The following ARHGEF10L variants were observed in gnomAD, a reference collection of about 807,000 sequenced individuals.
The protein encoded by ARHGEF10L is Rho guanine nucleotide exchange factor 10 like.
ARHGEF10L carries 69 observed loss-of-function variants against 141.2 expected under a neutral mutation model. The ratio of observed to expected loss-of-function variants is 0.49; its 90% CI spans 0.40 to 0.60. ARHGEF10L has a LOEUF of 0.60. Among genes scored for constraint, ARHGEF10L ranks in the 20% least tolerant of loss-of-function variants. The pLI is 0.00. For missense variants in ARHGEF10L, 1,482 were observed against 1,734.3 expected (o/e 0.85, Z 2.58); for synonymous variants, 711 against 718.5 (o/e 0.99, Z 0.17).
At chr1:17,533,321 A>G in the ARHGEF10L span, among the ~76,000 whole-genome samples, 1 of 152,152 alleles carries the variant, frequency 6.6e-6, no homozygotes, top group Non-Finnish European at 1.5e-5. Context: ...GCTATTAAGC[A>G]TTTGCTATTA....
chr1:17,541,882 G>A (rs574540439), intron 1 of ARHGEF10L, among the ~76,000 whole-genome samples: 2 of 152,108 alleles, frequency 1.3e-5, no homozygotes, highest in South Asian at 2.1e-4. Flanking sequence ...CAGGAGAATC[G>A]CTTGAACCCG....
chr1:17,646,301 T>C (rs1280535021), intron 21 of ARHGEF10L, among the ~76,000 whole-genome samples: 1 of 152,204 alleles, frequency 6.6e-6, no homozygotes, highest in Non-Finnish European at 1.5e-5. Context: ...TCCTCACTCA[T>C]GTCCAGCCCT....
At chr1:17,588,369 G>A (rs1006915747) in intron 3 of ARHGEF10L, 77 bp from the exon 4 acceptor site, 3 of 1,548,590 alleles carry the variant, frequency 1.9e-6, no homozygotes, top group South Asian at 2.2e-5. Context: ...GGGAGGCTGG[G>A]AAAGGGGCGG....
intron 1 of ARHGEF10L, among the ~76,000 whole-genome samples, chr1:17,572,159 T>C (rs2078027845): frequency 6.6e-6 from 1 of 152,182 alleles, no homozygotes; most frequent in Non-Finnish European, 1.5e-5. Flanking sequence ...AATTCTTTGC[T>C]TGCGGGGGTC....
At chr1:17,678,575 A>G (rs1361260233) in intron 26 of ARHGEF10L, among the ~76,000 whole-genome samples, 1 of 151,808 alleles carries the variant, frequency 6.6e-6, no homozygotes, top group African/African-American at 2.4e-5. Flanking sequence ...ATGCGCCACC[A>G]CCCCTGGCTA....
Position 17,635,013 on chromosome 1 carries a change from CAG to C in ARHGEF10L, c.1927_1927+1del, listed in dbSNP as rs760621898. The C allele has an allele frequency of 1.2e-6, 2 of 1,613,912 alleles. No homozygotes were observed. The highest frequency in any genetic ancestry group is 2.7e-5 in the African/African-American group (2 of 74,924). On this transcript the variant is annotated frameshift_variant and splice_region_variant, in exon 18 of 29. Coordinates refer to ENST00000361221, the MANE Select transcript of ARHGEF10L (RefSeq NM_018125.4). LOFTEE classifies it high-confidence loss of function. ...AKKASASGQA[Q>X]NKVYLGPPRL... ...GAAGGCCTCTGCCTCAGGGCAGGCT[CAG>C]AGTGAGTACCCCCTCTCTGTGCCCT... is the stretch of plus-strand genomic sequence containing the variant.
chr1:17,665,628 C>T (rs1014193864), intron 26 of ARHGEF10L, among the ~76,000 whole-genome samples: 9 of 152,192 alleles, frequency 5.9e-5, no homozygotes, highest in Admixed American at 2.0e-4. Context: ...TGCTGGCTCC[C>T]GTGGGAGCAC....
rs2081325249 is a variant in ARHGEF10L at position 17,607,897 on chromosome 1, T to C, written c.529T>C (p.Tyr177His). The C allele has an allele frequency of 1.9e-6, 3 of 1,561,416 alleles. No homozygotes were observed. Among genetic ancestry groups the C allele is most frequent in the Non-Finnish European group, 2.6e-6 (3 of 1,156,910 alleles). The change falls in exon 7 of 29, where the codon TAC (tyrosine) becomes CAC (histidine). Residue 177 changes from tyrosine (Y) to histidine (H), a missense_variant. Transcript: ENST00000361221. This position sits in a 1 kb window ranked among gnomAD's most constrained non-coding sequence, Gnocchi z 4.5. ...CTGGAGCTCCAGTGAGTTCGAGAGC[T>C]ACAGCGAGGACTCGGGGGAGGAGGC... The part of the protein sequence containing the change: ...LGWSSSEFES[Y>H]SEDSGEEAKP...
the ARHGEF10L span, among the ~76,000 whole-genome samples, chr1:17,522,758 G>T: frequency 6.6e-6 from 1 of 152,034 alleles, no homozygotes; most frequent in Admixed American, 6.6e-5. Context: ...GGACTTTCAG[G>T]GGGGTGACTG....
intron 1 of ARHGEF10L, among the ~76,000 whole-genome samples, chr1:17,559,430 G>A (rs573961797): frequency 6.6e-6 from 1 of 152,296 alleles, no homozygotes; most frequent in Admixed American, 6.5e-5. Context: ...CTGACTGATT[G>A]TAGAGACCTT....
rs371556337 is a variant in ARHGEF10L at position 17,648,624 on chromosome 1, G to A, written c.2343G>A (p.Pro781=). 82 of 1,613,220 alleles carry A rather than the reference G, an allele frequency of 5.1e-5. No homozygotes were observed. The highest frequency in any genetic ancestry group is 6.5e-5 in the Non-Finnish European group (77 of 1,180,038). ...AGAGCAAAGCCCCATTCTGGTGCCC[G>A]ATCCTGGCCTGCTGCATCCCTGCCT... The part of the protein sequence containing the change: ...DKKSKAPFWC[P]ILACCIPAFS... Residue 781 remains proline (P), a synonymous_variant, in exon 22 of 29, where the codon CCG becomes CCA. Coordinates refer to ENST00000361221, the MANE Select transcript of ARHGEF10L (RefSeq NM_018125.4).
At position 17,627,567 on chromosome 1, in the gene ARHGEF10L, C is replaced by T; in HGVS notation, c.1584+64C>T. On this transcript the variant is annotated intron_variant, in intron 15 of 28. Transcript: ENST00000361221. This position sits in a 1 kb window ranked among gnomAD's most constrained non-coding sequence, Gnocchi z 4.0. The stretch of plus-strand genomic sequence containing the variant: ...GCCCTCACCTGTGCTCCTGCCCGTG[C>T]CCCTGCCCCACGCCACCCACACTAG... 6.4e-7 allele frequency: 1 copy of T among 1,557,834 alleles called. No individual in the cohort carries two copies. Among genetic ancestry groups the T allele is most frequent in the Non-Finnish European group, 8.7e-7 (1 of 1,149,192 alleles).
intron 15 of ARHGEF10L, among the ~76,000 whole-genome samples, chr1:17,631,120 C>G (rs2060661359): frequency 6.7e-6 from 1 of 149,428 alleles, no homozygotes; most frequent in African/African-American, 2.5e-5. Flanking sequence ...TTTGGGGAGG[C>G]TCAGGGTGAT....
intron 1 of ARHGEF10L, among the ~76,000 whole-genome samples, chr1:17,551,099 C>T (rs1257383020): frequency 6.6e-6 from 1 of 152,094 alleles, no homozygotes; most frequent in Non-Finnish European, 1.5e-5. Flanking sequence ...CAGTCCACCT[C>T]GTTTGCCCAC....
intron 6 of ARHGEF10L, among the ~76,000 whole-genome samples, chr1:17,604,071 C>T (rs1041694711): frequency 6.6e-6 from 1 of 152,136 alleles, no homozygotes; most frequent in African/African-American, 2.4e-5. Flanking sequence ...TGGAACTCAC[C>T]TGATGGAAGA....
Position 17,640,192 on chromosome 1 carries a change from C to G in ARHGEF10L, c.2172-10C>G. 1 of 1,607,860 alleles carries G rather than the reference C, an allele frequency of 6.2e-7. No individual in the cohort carries two copies. The highest frequency in any genetic ancestry group is 1.1e-5 in the South Asian group (1 of 89,880). On this transcript the variant is annotated splice_polypyrimidine_tract_variant and intron_variant, in intron 20 of 28. Coordinates refer to ENST00000361221, the MANE Select transcript of ARHGEF10L (RefSeq NM_018125.4). The stretch of plus-strand genomic sequence containing the variant: ...TACTCACACATCCACTCTAACCCTT[C>G]TCACCACAGGTCCGGCCGCCCCATT...
intron 1 of ARHGEF10L, among the ~76,000 whole-genome samples, chr1:17,556,849 C>T (rs2077347004): frequency 6.6e-6 from 1 of 152,182 alleles, no homozygotes. Context: ...TGAAAAAGGC[C>T]GTTAGACTCT....
rs148452069 is a variant in ARHGEF10L, at chr1:17,697,122, G to C, written c.3582G>C (p.Ala1194=). ...CGCTGCTCTCCATGCGGGAGCCGGCGCCTGCTGATGGCGCAGCTTTGGAGC... is the reference window on the plus strand; with the variant it reads ...CGCTGCTCTCCATGCGGGAGCCGGCCCCTGCTGATGGCGCAGCTTTGGAGC... ...PGPLLSMREP[A]PADGAALEHS... The change falls in exon 29 of 29, where the codon GCG becomes GCC. Residue 1194 remains alanine, a synonymous_variant. Transcript: ENST00000361221. This position sits in a 1 kb window ranked among gnomAD's most constrained non-coding sequence, Gnocchi z 4.8. 1 of 1,610,498 alleles carries C rather than the reference G, an allele frequency of 6.2e-7. No homozygotes were observed. Among genetic ancestry groups the C allele is most frequent in the Admixed American group, 1.7e-5 (1 of 59,860 alleles).
chr1:17,594,938 T>C (rs2079931411), intron 4 of ARHGEF10L, among the ~76,000 whole-genome samples: 1 of 152,182 alleles, frequency 6.6e-6, no homozygotes. Flanking sequence ...TGGGGCTGAC[T>C]CCAGGCACAA....
Sources: gnomAD v4.1 joint callset for allele counts (sites outside exome capture counted in the v4.1 genomes callset) on GRCh38, gnomAD v4.1.1 for gene constraint, Gnocchi (gnomAD v3.1) non-coding constraint, MANE v1.5 for transcripts, NCBI Gene and HGNC (gene_info 2026-07-23, HGNC 2026-07-21) for gene names.